CALN1: variants seen among roughly 807,000 people sequenced by gnomAD.
The protein encoded by CALN1 is calneuron 1, also known as calcium-binding protein 8.
In CALN1, 17 loss-of-function variants were observed where a neutral mutation model predicts 30.6. The observed-to-expected ratio is 0.56, with a 90% confidence interval of 0.38 to 0.83. The LOEUF is 0.83. CALN1 is among the 40% of genes least tolerant of loss of function. The pLI is 0.00. For missense variants in CALN1, 291 were observed against 354.9 expected (o/e 0.82, Z 1.45); for synonymous variants, 156 against 131.4 (o/e 1.19, Z -1.28).
intron 2 of CALN1, among the ~76,000 whole-genome samples, chr7:72,366,974 G>A (rs1471446761): frequency 6.6e-6 from 1 of 152,062 alleles, no homozygotes; most frequent in Non-Finnish European, 1.5e-5. Context: ...TTTACACAAA[G>A]GGAAAGAATA....
At chr7:71,929,723 G>A (rs906535368) in intron 5 of CALN1, among the ~76,000 whole-genome samples, 1 of 152,176 alleles carries the variant, frequency 6.6e-6, no homozygotes, top group Non-Finnish European at 1.5e-5. Flanking sequence ...TATGGTTTTT[G>A]TGGATGTATG....
upstream of CALN1, among the ~76,000 whole-genome samples, chr7:72,413,946 C>T (rs544637626): frequency 2.0e-5 from 3 of 152,204 alleles, no homozygotes; most frequent in East Asian, 5.8e-4. Flanking sequence ...CATATACTCC[C>T]CCTTCCTTCT....
At chr7:72,311,716 C>T (rs1341628550) in intron 2 of CALN1, among the ~76,000 whole-genome samples, 1 of 128,216 alleles carries the variant, frequency 7.8e-6, no homozygotes, top group African/African-American at 3.0e-5. Context: ...AGGCTGGTCT[C>T]GAACTCCTGA....
intron 1 of CALN1, among the ~76,000 whole-genome samples, chr7:72,422,612 A>G (rs1473303858): frequency 1.3e-5 from 2 of 152,220 alleles, no homozygotes; most frequent in African/African-American, 2.4e-5. Flanking sequence ...TGACTTCTTA[A>G]AATATTCCCT....
intron 3 of CALN1, among the ~76,000 whole-genome samples, chr7:72,277,384 C>T (rs898470342): frequency 2.6e-5 from 4 of 152,172 alleles, no homozygotes; most frequent in African/African-American, 9.7e-5. Context: ...CACCAGCACA[C>T]CTTTTGCTCA....
chr7:71,984,478 T>C (rs1057364581), intron 5 of CALN1, among the ~76,000 whole-genome samples: 10 of 152,156 alleles, frequency 6.6e-5, no homozygotes, highest in African/African-American at 1.9e-4. Flanking sequence ...GGTGAAGAAT[T>C]TGAGTCATGT....
intron 4 of CALN1, chr7:72,104,160 A>G (rs985732365): frequency 5.9e-5 from 9 of 153,580 alleles, no homozygotes; most frequent in African/African-American, 2.2e-4. Flanking sequence ...GAACACCTCA[A>G]GTCCAAGCTG....
At chr7:71,849,386 T>C (rs1040168652) in intron 5 of CALN1, among the ~76,000 whole-genome samples, 7 of 152,036 alleles carry the variant, frequency 4.6e-5, no homozygotes, top group Admixed American at 1.3e-4. Context: ...GGTATATGTG[T>C]GTCTTGATAT....
chr7:71,837,243 C>CAAAAAAAAAAAAAAAAAAAAAAA (rs55977265), intron 5 of CALN1, among the ~76,000 whole-genome samples: 5 of 79,126 alleles, frequency 6.3e-5, no homozygotes, highest in African/African-American at 2.4e-4. Context: ...AAAAAAAAGA[C>CAAAAAAAAAAAAAAAAAAAAAAA]AAAAAAAAAA....
chr7:71,843,320 A>G (rs1790049210), intron 5 of CALN1, among the ~76,000 whole-genome samples: 1 of 152,114 alleles, frequency 6.6e-6, no homozygotes, highest in South Asian at 2.1e-4. Context: ...CATTGCAACT[A>G]AGAGTAAAAA....
At chr7:72,282,673 A>C (rs1042213441) in intron 2 of CALN1, among the ~76,000 whole-genome samples, 1 of 152,202 alleles carries the variant, frequency 6.6e-6, no homozygotes, top group African/African-American at 2.4e-5. Context: ...AACCCATAGA[A>C]CTGTAGGCAA....
chr7:71,852,254 C>T (rs1790689310), intron 5 of CALN1, among the ~76,000 whole-genome samples: 1 of 152,096 alleles, frequency 6.6e-6, no homozygotes, highest in Admixed American at 6.6e-5. Context: ...TTGTACACAT[C>T]ATTTTACGGA....
At chr7:72,484,734 T>A in the CALN1 span, among the ~76,000 whole-genome samples, 4 of 152,338 alleles carry the variant, frequency 2.6e-5, no homozygotes, top group African/African-American at 9.6e-5. Context: ...TGGCTCTGCC[T>A]GGGTTTCCCA....
intron 1 of CALN1, among the ~76,000 whole-genome samples, chr7:72,444,608 G>T (rs1186250432): frequency 2.0e-5 from 3 of 152,134 alleles, no homozygotes; most frequent in Admixed American, 1.3e-4. Flanking sequence ...CCTGCCCTCA[G>T]AAAAGGCACA....
At chr7:72,198,284 T>C (rs1791171699) in intron 3 of CALN1, among the ~76,000 whole-genome samples, 1 of 152,052 alleles carries the variant, frequency 6.6e-6, no homozygotes, top group South Asian at 2.1e-4. Flanking sequence ...TGAATGGCCA[T>C]AAAAAACTAT....
intron 3 of CALN1, among the ~76,000 whole-genome samples, chr7:72,204,994 G>A (rs1355758805): frequency 6.6e-6 from 1 of 152,034 alleles, no homozygotes; most frequent in Non-Finnish European, 1.5e-5. Flanking sequence ...TTTTCACACA[G>A]CATTGCCAAC....
chr7:72,372,970 G>T (rs569049938), intron 2 of CALN1, among the ~76,000 whole-genome samples: 51 of 152,112 alleles, frequency 3.4e-4, no homozygotes, highest in African/African-American at 1.2e-3. Context: ...CTGGCAAAAA[G>T]GTAGCTACCA....
chr7:72,217,418 T>C (rs889163713), intron 3 of CALN1, among the ~76,000 whole-genome samples: 2 of 152,178 alleles, frequency 1.3e-5, no homozygotes, highest in Admixed American at 6.6e-5. Context: ...TATAAAGCCC[T>C]GGTCCATGCC....
rs528043789 is a variant in CALN1 at position 72,183,056 on chromosome 7, G to T, written c.245-76762C>A. On this transcript the variant is annotated intron_variant, in intron 3 of 6. Transcript: ENST00000395275. ...ATGGGGCTTTTTTGTTTGTTTTTGG[G>T]GTGTTTGTTGTTTGTCTGTTTGTTT... Among the ~76,000 whole-genome samples the T allele has an allele frequency of 2.0e-5, 3 of 152,086 alleles. No homozygotes were observed. In the South Asian group the frequency reaches 6.2e-4, roughly 32 times the overall value.
Sources: gnomAD v4.1 joint callset for allele counts (sites outside exome capture counted in the v4.1 genomes callset) on GRCh38, gnomAD v4.1.1 for gene constraint, MANE v1.5 for transcripts, NCBI Gene and HGNC (gene_info 2026-07-23, HGNC 2026-07-21) for gene names.